CAMKMT: variants seen among roughly 807,000 people sequenced by gnomAD.
The protein encoded by CAMKMT is calmodulin-lysine N-methyltransferase.
CAMKMT carries 53 observed loss-of-function variants against 48.0 expected under a neutral mutation model. The observed-to-expected ratio is 1.10, with a 90% CI of 0.89 to 1.39. The LOEUF is 1.39. Among genes scored for constraint, CAMKMT ranks in the 40% most tolerant of loss-of-function variants. The pLI is 0.00. For missense variants in CAMKMT, 428 were observed against 402.7 expected, an observed-to-expected ratio of 1.06 and a Z score of -0.54; for synonymous variants, 165 against 152.3, an observed-to-expected ratio of 1.08 and a Z score of -0.61.
chr2:44,498,146 A>G (rs1417138599), intron 3 of CAMKMT, among the ~76,000 whole-genome samples: 1 of 152,150 alleles, frequency 6.6e-6, no homozygotes, highest in African/African-American at 2.4e-5. Flanking sequence ...GATCCATCAT[A>G]GCACCTTTAT....
At chr2:44,439,334 T>C (rs1039941870) in intron 3 of CAMKMT, among the ~76,000 whole-genome samples, 3 of 152,184 alleles carry the variant, frequency 2.0e-5, no homozygotes, top group Non-Finnish European at 4.4e-5. Context: ...TAATTCCTCC[T>C]TCTTTGTAGA....
chr2:44,453,012 T>C (rs2104595511), intron 3 of CAMKMT, among the ~76,000 whole-genome samples: 1 of 152,202 alleles, frequency 6.6e-6, no homozygotes, highest in Middle Eastern at 3.4e-3. Flanking sequence ...AGATGTCTAA[T>C]TGATTTACTA....
rs1236363449 is a variant in CAMKMT, at chr2:44,460,735, T to C, written c.376+70430T>C. Among the ~76,000 whole-genome samples the C allele has an allele frequency of 3.4e-5, 5 of 148,810 alleles. No homozygotes were observed. In the East Asian group the frequency reaches 9.7e-4, roughly 29 times the overall value. On this transcript the variant is annotated intron_variant, in intron 3 of 10. Transcript: ENST00000378494. ...TAGATTCTTTTTTTTTTTTTTTTTT[T>C]TTTGAGACAGAGTCTTGCTCTGTCA...
intron 3 of CAMKMT, among the ~76,000 whole-genome samples, chr2:44,509,743 T>A (rs944289028): frequency 6.6e-6 from 1 of 151,916 alleles, no homozygotes; most frequent in Admixed American, 6.6e-5. Context: ...TGGGAGTGAG[T>A]TGTCACTATT....
intron 3 of CAMKMT, among the ~76,000 whole-genome samples, chr2:44,566,738 C>T (rs997403573): frequency 5.3e-5 from 8 of 152,128 alleles, no homozygotes; most frequent in African/African-American, 1.9e-4. Flanking sequence ...CCCTGCTTGA[C>T]ATTTATGAGT....
chr2:44,707,531 T>A, intron 6 of CAMKMT, 69 bp downstream of exon 6: 1 of 1,366,356 alleles, frequency 7.3e-7, no homozygotes, highest in Non-Finnish European at 1.0e-6. Flanking sequence ...TAACAATTGA[T>A]ATAAAGAAAG....
At chr2:44,515,399 A>T (rs774175538) in intron 3 of CAMKMT, among the ~76,000 whole-genome samples, 1 of 152,186 alleles carries the variant, frequency 6.6e-6, no homozygotes, top group Non-Finnish European at 1.5e-5. Context: ...GTAGCTCTTC[A>T]GGCTCTGGTA....
At chr2:44,671,371 T>A (rs577120225) in intron 3 of CAMKMT, among the ~76,000 whole-genome samples, 3 of 152,280 alleles carry the variant, frequency 2.0e-5, no homozygotes, top group Non-Finnish European at 1.5e-5. Context: ...TAATAAAGCC[T>A]CAGATGGGTA....
At chr2:44,450,404 A>G (rs1440059193) in intron 3 of CAMKMT, among the ~76,000 whole-genome samples, 2 of 152,136 alleles carry the variant, frequency 1.3e-5, no homozygotes, top group African/African-American at 4.8e-5. Flanking sequence ...AGAGAGAAGC[A>G]ATTATTTTCA....
chr2:44,715,468 G>T, intron 7 of CAMKMT, 115 bp downstream of exon 7: 1 of 736,200 alleles, frequency 1.4e-6, no homozygotes, highest in Non-Finnish European at 2.3e-6. Context: ...TGTGTGTCAG[G>T]CACTGTTTTA....
At chr2:44,767,078 G>T (rs1003601268) in intron 10 of CAMKMT, among the ~76,000 whole-genome samples, 1 of 152,196 alleles carries the variant, frequency 6.6e-6, no homozygotes, top group Admixed American at 6.5e-5. Flanking sequence ...GGCACTACAA[G>T]ATTTAGGTCA....
intron 2 of CAMKMT, among the ~76,000 whole-genome samples, chr2:44,374,069 A>G (rs1473478710): frequency 1.5e-5 from 2 of 134,320 alleles, no homozygotes; most frequent in Non-Finnish European, 3.1e-5. Context: ...GGCTGCTGTG[A>G]GCTGTGCCAT....
intron 1 of CAMKMT, 31 bp from the exon 2 acceptor site, chr2:44,372,685 C>G (rs751080201): frequency 1.1e-5 from 17 of 1,595,840 alleles, no homozygotes; most frequent in Non-Finnish European, 1.5e-5. Flanking sequence ...GTTTAGATAA[C>G]ATGACTGCAA....
At chr2:44,665,325 C>A (rs1674905248) in intron 3 of CAMKMT, among the ~76,000 whole-genome samples, 1 of 152,172 alleles carries the variant, frequency 6.6e-6, no homozygotes, top group South Asian at 2.1e-4. Flanking sequence ...CCCGCCTCTG[C>A]CTCCCAAAGT....
intron 3 of CAMKMT, among the ~76,000 whole-genome samples, chr2:44,428,852 T>C (rs150529388): frequency 3.3e-4 from 51 of 152,336 alleles, no homozygotes; most frequent in African/African-American, 1.2e-3. Flanking sequence ...TTACAGACTT[T>C]CAAGGATCTC....
chr2:44,601,474 T>A (rs1482376327), intron 3 of CAMKMT, among the ~76,000 whole-genome samples: 2 of 151,850 alleles, frequency 1.3e-5, no homozygotes, highest in Non-Finnish European at 2.9e-5. Context: ...TAATGATAAT[T>A]AATAAATAAA....
intron 7 of CAMKMT, among the ~76,000 whole-genome samples, chr2:44,719,544 G>A (rs1341297865): frequency 3.9e-5 from 6 of 152,156 alleles, no homozygotes; most frequent in African/African-American, 1.4e-4. Flanking sequence ...TGCTTAATAT[G>A]TTTTTGTACT....
At position 44,372,841 on chromosome 2, in the gene CAMKMT, G is replaced by T; in HGVS notation, c.264G>T (p.Trp88Cys). The T allele has an allele frequency of 6.2e-7, 1 of 1,613,808 alleles. No homozygotes were observed. The highest frequency in any genetic ancestry group is 8.5e-7 in the Non-Finnish European group (1 of 1,179,894). Residue 88 changes from tryptophan to cysteine, a missense_variant, in exon 2 of 11, where the codon TGG becomes TGT. Transcript: ENST00000378494. ...ERETEEEVGA[W>C]VQYTSIFCPE... ...AAACTGAAGAGGAGGTTGGTGCATG[G>T]GTCCAATATACAAGCATCTTCTGTC...
intron 8 of CAMKMT, among the ~76,000 whole-genome samples, chr2:44,750,039 G>T (rs1488134566): frequency 1.3e-5 from 2 of 152,146 alleles, no homozygotes; most frequent in Non-Finnish European, 2.9e-5. Context: ...CGTTAGAGAA[G>T]AAATTCAAGT....
Sources: allele counts gnomAD v4.1 joint callset (sites outside exome capture counted in the v4.1 genomes callset), GRCh38; gene constraint gnomAD v4.1.1; transcripts MANE v1.5; gene names NCBI Gene and HGNC (gene_info 2026-07-23, HGNC 2026-07-21).